The following MLC1 variants were observed in gnomAD, a reference collection of about 807,000 sequenced individuals.
MLC1 encodes membrane protein MLC1.
Under a neutral mutation model 44.7 loss-of-function variants are expected in MLC1, and 32 were observed. The observed-to-expected ratio is 0.72, with a 90% CI of 0.54 to 0.96. The LOEUF (loss-of-function observed/expected upper bound fraction) is 0.96, where lower values mean the gene tolerates loss of function less well. Among genes scored for constraint, MLC1 ranks in the 40% least tolerant of loss-of-function variants. MLC1 has a pLI of 0.00. For synonymous variants in MLC1, 190 were observed against 213.0 expected (o/e 0.89, Z 0.94); for missense variants, 459 against 492.2 (o/e 0.93, Z 0.64).
intron 4 of MLC1, 116 bp from the exon 5 acceptor site, chr22:50,080,135 G>A (rs572815142): frequency 3.0e-6 from 3 of 1,006,050 alleles, no homozygotes; most frequent in African/African-American, 3.2e-5. Flanking sequence ...ACATAATGGT[G>A]GGGAGTCCTG....
rs768711345 is a variant in MLC1 at position 50,064,176 on chromosome 22, A to T, written c.917T>A (p.Leu306Gln). 2 of 1,603,126 alleles carry T rather than the reference A, an allele frequency of 1.2e-6. No individual in the cohort carries two copies. Among genetic ancestry groups the T allele is most frequent in the Non-Finnish European group, 1.7e-6 (2 of 1,179,134 alleles). ...AIKPSYDVLLLLLLLVLLLQA... is the reference protein window; with the variant it reads ...AIKPSYDVLLQLLLLVLLLQA... ...CAGCAGGAGCACTAGCAGCAGCAGC[A>T]GCAGCAGCACATCGTAGGATGGCTG... is the stretch of plus-strand genomic sequence containing the variant. Residue 306 changes from leucine (L) to glutamine (Q), a missense_variant, in exon 11 of 12, where the codon CTG becomes CAG. Transcript: ENST00000311597.
intron 5 of MLC1, 55 bp downstream of exon 5, chr22:50,079,863 C>A: frequency 8.1e-7 from 1 of 1,237,468 alleles, no homozygotes. Context: ...TGACACCATT[C>A]GTGGGAGTGG....
intron 8 of MLC1, among the ~76,000 whole-genome samples, chr22:50,071,534 G>T (rs538236806): frequency 9.9e-5 from 15 of 152,160 alleles, no homozygotes; most frequent in Non-Finnish European, 1.9e-4. Flanking sequence ...GGTCGCTTCT[G>T]GGGGGTGCAG....
intron 6 of MLC1, 107 bp downstream of exon 6, chr22:50,077,293 TG>T: frequency 1.0e-6 from 1 of 1,000,474 alleles, no homozygotes; most frequent in Non-Finnish European, 1.5e-6. Flanking sequence ...GGGAATGCCC[TG>T]GAGCAGCCCA....
intron 10 of MLC1, among the ~76,000 whole-genome samples, chr22:50,065,235 A>G (rs1026337009): frequency 3.3e-5 from 5 of 152,166 alleles, no homozygotes; most frequent in African/African-American, 1.2e-4. Context: ...TTAAGTAATT[A>G]TTAGAAAGTC....
At chr22:50,081,009 A>AAAAT (rs1555967993) in intron 3 of MLC1, among the ~76,000 whole-genome samples, 1 of 96,740 alleles carries the variant, frequency 1.0e-5, no homozygotes, top group African/African-American at 4.5e-5. Context: ...TTGTCTCAAA[A>AAAAT]AAAGAAAGAA....
intron 7 of MLC1, among the ~76,000 whole-genome samples, chr22:50,074,842 G>A (rs900172537): frequency 1.3e-5 from 2 of 152,212 alleles, no homozygotes; most frequent in East Asian, 1.9e-4. Flanking sequence ...CCACCTGGAC[G>A]TTAGCACCCC....
intron 5 of MLC1, among the ~76,000 whole-genome samples, chr22:50,078,909 A>G (rs2062047603): frequency 6.6e-6 from 1 of 152,150 alleles, no homozygotes; most frequent in South Asian, 2.1e-4. Flanking sequence ...CGACAGCTAC[A>G]GTGAGTAACT....
intron 7 of MLC1, 122 bp from the exon 8 acceptor site, chr22:50,074,454 C>T (rs984236825): frequency 2.3e-5 from 20 of 867,504 alleles, no homozygotes; most frequent in African/African-American, 2.1e-4. Flanking sequence ...CAGATCTAAC[C>T]GTGGAGGAGC....
chr22:50,064,454 C>G (rs1402229337), intron 10 of MLC1, among the ~76,000 whole-genome samples: 1 of 152,244 alleles, frequency 6.6e-6, no homozygotes, highest in Non-Finnish European at 1.5e-5. Flanking sequence ...CACTGCCAGG[C>G]CCCGTGGACA....
rs1428399856 is a variant in MLC1 at position 50,060,462 on chromosome 22, C to G, written c.*1121G>C. Reference sequence around the variant, plus strand: ...AGCGGAGATGGAGAAGACCGCTGCCCTGGGGCCTTCTCAGTGAGGATCAAG... The same window carrying G: ...AGCGGAGATGGAGAAGACCGCTGCCGTGGGGCCTTCTCAGTGAGGATCAAG... On this transcript the variant is annotated 3_prime_UTR_variant, in exon 12 of 12. Coordinates refer to ENST00000311597, the MANE Select transcript of MLC1 (RefSeq NM_015166.4). The G allele has an allele frequency of 6.6e-6, 1 of 152,480 alleles. No individual in the cohort carries two copies. The highest frequency in any genetic ancestry group is 1.9e-4 in the East Asian group (1 of 5,280). The allele number at this position is 152,480 out of a possible 1,614,324, so 9.4% of individuals were successfully genotyped here.
Position 50,084,727 on chromosome 22 carries a change from C to G in MLC1, c.176G>C (p.Gly59Ala). ...AGGGCTTAGTGTGGAGCTACTCACCCCCATCAGCACAGAGAAGACCCACGT... is the reference window on the plus strand; with the variant it reads ...AGGGCTTAGTGTGGAGCTACTCACCGCCATCAGCACAGAGAAGACCCACGT... ...HKTWVFSVLM[G>A]SCLLVTSGFS... is the part of the protein sequence containing the mutation. The change falls in exon 2 of 12, where the codon GGG becomes GCG. Residue 59 changes from glycine to alanine, a missense_variant and splice_region_variant. Physicochemically the swap from Gly to Ala is moderately conservative, Grantham distance 60. Transcript: ENST00000311597. 6.2e-7 allele frequency: 1 copy of G among 1,613,950 alleles called. No homozygotes were observed. The highest frequency in any genetic ancestry group is 8.5e-7 in the Non-Finnish European group (1 of 1,179,998).
chr22:50,064,452 G>GGCC (rs1250898149), intron 10 of MLC1, among the ~76,000 whole-genome samples: 2 of 152,212 alleles, frequency 1.3e-5, no homozygotes, highest in Non-Finnish European at 2.9e-5. Flanking sequence ...GCCACTGCCA[G>GGCC]GCCCCGTGGA....
chr22:50,073,344 G>T (rs564131620), intron 8 of MLC1, among the ~76,000 whole-genome samples: 28 of 152,374 alleles, frequency 1.8e-4, no homozygotes, highest in African/African-American at 5.8e-4. Context: ...ACGCGGCAAG[G>T]TGCTGAGAAC....
chr22:50,074,719 C>T (rs1602025073), intron 7 of MLC1: 2 of 309,370 alleles, frequency 6.5e-6, no homozygotes, highest in East Asian at 1.6e-4. Context: ...CTCGGGAAAA[C>T]AGGCCTGGGG....
chr22:50,072,810 AG>A (rs2061887331), intron 8 of MLC1: 1 of 152,426 alleles, frequency 6.6e-6, no homozygotes. Context: ...TCTCTGTCTC[AG>A]TAGCTGGGCC....
rs1003604854 is a variant in MLC1, at chr22:50,077,858, T to C, written c.424-356A>G. Among the ~76,000 whole-genome samples, 6 of 152,186 alleles carry C rather than the reference T, an allele frequency of 3.9e-5. No homozygotes were observed. In the South Asian group the frequency reaches 8.3e-4, roughly 21 times the overall value. On this transcript the variant is annotated intron_variant, in intron 5 of 11. Transcript: ENST00000311597. The stretch of plus-strand genomic sequence containing the variant: ...AGCTTCATGCATGATTGTCAAGCAC[T>C]GAGAACATAAGGTTTTTTGGAGGGT...
chr22:50,061,556 C>T lies in MLC1; in HGVS notation c.*27G>A. On this transcript the variant is annotated 3_prime_UTR_variant, in exon 12 of 12. Transcript: ENST00000311597. ...TCCATGCTTGGGGCCAGGCTGGGCG[C>T]TGCCACCCGGTTTCCGCGTCTGGGG... 1 of 1,609,646 alleles carries T rather than the reference C, an allele frequency of 6.2e-7. No homozygotes were observed. The highest frequency in any genetic ancestry group is 1.1e-5 in the South Asian group (1 of 90,990).
Position 50,060,447 on chromosome 22 carries a change from G to T in MLC1, c.*1136C>A, listed in dbSNP as rs1440822300. 6.6e-6 allele frequency: 1 copy of T among 152,406 alleles called. No individual in the cohort carries two copies. The highest frequency in any genetic ancestry group is 1.5e-5 in the Non-Finnish European group (1 of 68,102). 9.4% of individuals were successfully genotyped at this position (152,406 alleles called of 1,614,324 possible). ...CTAAGACCCCAAAACAGCGGAGATG[G>T]AGAAGACCGCTGCCCTGGGGCCTTC... On this transcript the variant is annotated 3_prime_UTR_variant, in exon 12 of 12. Coordinates refer to ENST00000311597, the MANE Select transcript of MLC1 (RefSeq NM_015166.4).
Sources: allele counts gnomAD v4.1 joint callset (sites outside exome capture counted in the v4.1 genomes callset), GRCh38; gene constraint gnomAD v4.1.1; transcripts MANE v1.5; gene names NCBI Gene and HGNC (gene_info 2026-07-23, HGNC 2026-07-21).